LRRTM4: variants seen among roughly 807,000 people sequenced by gnomAD.
LRRTM4 encodes the protein leucine rich repeat transmembrane neuronal 4.
A neutral mutation model predicts 47.6 loss-of-function variants in LRRTM4; 25 were observed. The observed-to-expected ratio is 0.53, with a 90% confidence interval of 0.38 to 0.73. The LOEUF (loss-of-function observed/expected upper bound fraction) is 0.73. LRRTM4 is among the 30% of genes least tolerant of loss of function. LRRTM4 has a pLI of 0.00. For missense variants in LRRTM4, 638 were observed against 713.4 expected, an observed-to-expected ratio of 0.89 and a Z score of 1.20; for synonymous variants, 311 against 269.5, an observed-to-expected ratio of 1.15 and a Z score of -1.51.
rs1206313453 is a variant in LRRTM4 at position 77,522,269 on chromosome 2, T to C, written c.-308A>G. 3 of 585,052 alleles carry C rather than the reference T, an allele frequency of 5.1e-6. No individual in the cohort carries two copies. The highest frequency in any genetic ancestry group is 9.2e-6 in the Non-Finnish European group (3 of 325,338). 36.2% of individuals were successfully genotyped at this position (585,052 alleles called of 1,614,324 possible). A position where few individuals can be genotyped will look rare whatever the true frequency, so the allele number is the denominator to read the frequency against. ...TCCATTTAGCTGGTCAGGTTTAAAG[T>C]GTTTTGTAGCTGTGCTGGGAGGCAG... is the stretch of plus-strand genomic sequence containing the variant. On this transcript the variant is annotated 5_prime_UTR_variant, in exon 1 of 4. Transcript: ENST00000409884.
Position 77,141,649 on chromosome 2 carries a change from C to G in LRRTM4, c.1551+376669G>C, listed in dbSNP as rs535742517. On this transcript the variant is annotated intron_variant, in intron 3 of 3. Transcript: ENST00000409884. ...AATGGTTTAACTCTATCATTCCAAA[C>G]TATGAGCTAGACATTCAATGTAGGT... Among the ~76,000 whole-genome samples, 330 of 152,204 alleles carry G rather than the reference C, an allele frequency of 2.2e-3. 2 individuals carry two copies. The highest frequency in any genetic ancestry group is 7.5e-3 in the African/African-American group (311 of 41,548).
At chr2:77,413,315 A>G (rs1445023584) in intron 3 of LRRTM4, among the ~76,000 whole-genome samples, 1 of 152,196 alleles carries the variant, frequency 6.6e-6, no homozygotes. Flanking sequence ...ACTGAGATCC[A>G]TGTCTCAGGG....
At chr2:77,100,119 C>T (rs543699769) in intron 3 of LRRTM4, among the ~76,000 whole-genome samples, 13 of 152,060 alleles carry the variant, frequency 8.5e-5, no homozygotes, top group Non-Finnish European at 1.6e-4. Flanking sequence ...CATTAACCTC[C>T]TTGTCAGCCT....
At position 77,384,295 on chromosome 2, in the gene LRRTM4, C is replaced by CA. The variant is rs371346836; in HGVS notation, c.1551+134022dup. ...TTTAGAATGTGAAGAAGTCTTGAAA[C>CA]AAAAAAATAAGGTTTCAATTTGAAT... On this transcript the variant is annotated intron_variant, in intron 3 of 3. Coordinates refer to ENST00000409884, the MANE Select transcript of LRRTM4 (RefSeq NM_001134745.3). Among the ~76,000 whole-genome samples the CA allele has an allele frequency of 1.1e-4, 16 of 150,214 alleles. No individual in the cohort carries two copies. In the East Asian group the frequency reaches 2.0e-3, roughly 18 times the overall value.
intron 3 of LRRTM4, among the ~76,000 whole-genome samples, chr2:77,140,906 T>C (rs535568062): frequency 1.9e-3 from 292 of 152,086 alleles, no homozygotes; most frequent in African/African-American, 6.7e-3. Context: ...GAAATGAAAA[T>C]CAAAACCACA....
At position 77,519,531 on chromosome 2, in the gene LRRTM4, T is replaced by C. The variant is rs1273081450; in HGVS notation, c.338A>G (p.Glu113Gly). The C allele has an allele frequency of 6.2e-7, 1 of 1,613,338 alleles. No homozygotes were observed. The highest frequency in any genetic ancestry group is 8.5e-7 in the Non-Finnish European group (1 of 1,179,632). ...AATTTTGTTGGAGCTTAGAATTAAT[T>C]CTTTCAGTCTACGGATCCCTTGAAA... ...DAFQGIRRLK[E>G]LILSSNKITY... Residue 113 changes from glutamate to glycine, a missense_variant, in exon 3 of 4, where the codon GAA becomes GGA. Transcript: ENST00000409884. This position sits in a 1 kb window ranked among gnomAD's most constrained non-coding sequence, Gnocchi z 4.6.
At chr2:76,771,326 T>C (rs1673693984) in intron 3 of LRRTM4, among the ~76,000 whole-genome samples, 1 of 152,122 alleles carries the variant, frequency 6.6e-6, no homozygotes, top group Non-Finnish European at 1.5e-5. Context: ...TCGGTGAGAT[T>C]TAATGCAGCA....
At chr2:76,820,638 G>C (rs905936881) in intron 3 of LRRTM4, among the ~76,000 whole-genome samples, 1 of 151,536 alleles carries the variant, frequency 6.6e-6, no homozygotes, top group Non-Finnish European at 1.5e-5. Context: ...GTTTTAGTGG[G>C]TTTTGCCTAT....
intron 3 of LRRTM4, among the ~76,000 whole-genome samples, chr2:77,076,437 T>C (rs1428180852): frequency 2.0e-5 from 3 of 152,154 alleles, no homozygotes; most frequent in South Asian, 2.1e-4. Flanking sequence ...ACTCCCCTAA[T>C]GCTTGAAATA....
intron 3 of LRRTM4, among the ~76,000 whole-genome samples, chr2:77,468,385 A>G (rs1035482310): frequency 1.3e-5 from 2 of 152,226 alleles, no homozygotes; most frequent in Non-Finnish European, 2.9e-5. Context: ...CATCATACAC[A>G]TTTCCTGTCT....
chr2:77,021,461 C>T (rs967734405), intron 3 of LRRTM4, among the ~76,000 whole-genome samples: 4 of 152,122 alleles, frequency 2.6e-5, no homozygotes, highest in African/African-American at 9.7e-5. Flanking sequence ...TGGACTTGCC[C>T]ATGTGACATA....
At chr2:76,929,137 C>G (rs1674683311) in intron 3 of LRRTM4, among the ~76,000 whole-genome samples, 1 of 152,114 alleles carries the variant, frequency 6.6e-6, no homozygotes, top group African/African-American at 2.4e-5. Flanking sequence ...CTCAGCCTCT[C>G]AGGAGGAGCT....
chr2:76,983,481 C>G (rs181429165), intron 3 of LRRTM4, among the ~76,000 whole-genome samples: 38 of 152,060 alleles, frequency 2.5e-4, no homozygotes, highest in Admixed American at 1.4e-3. Context: ...GTTCCCTGCA[C>G]GAGCTCTCTT....
At chr2:77,157,382 G>T (rs1672588317) in intron 3 of LRRTM4, among the ~76,000 whole-genome samples, 1 of 152,060 alleles carries the variant, frequency 6.6e-6, no homozygotes, top group Admixed American at 6.6e-5. Flanking sequence ...GGACATTAAA[G>T]GCCAAGAAGA....
intron 3 of LRRTM4, among the ~76,000 whole-genome samples, chr2:76,952,206 C>T (rs757941227): frequency 4.6e-5 from 7 of 152,028 alleles, no homozygotes; most frequent in Non-Finnish European, 8.8e-5. Context: ...GATAGTTTGA[C>T]TTATTTTCCT....
At chr2:76,811,295 C>T (rs1454381594) in intron 3 of LRRTM4, among the ~76,000 whole-genome samples, 1 of 152,128 alleles carries the variant, frequency 6.6e-6, no homozygotes, top group African/African-American at 2.4e-5. Context: ...AACATTAGCA[C>T]CCTGTAGGTC....
At chr2:77,004,154 T>TG (rs1677542850) in intron 3 of LRRTM4, among the ~76,000 whole-genome samples, 1 of 152,182 alleles carries the variant, frequency 6.6e-6, no homozygotes, top group African/African-American at 2.4e-5. Flanking sequence ...CCCCATTTTC[T>TG]GGGGAGAAAT....
At chr2:77,222,716 T>C (rs964890520) in intron 3 of LRRTM4, among the ~76,000 whole-genome samples, 1 of 152,132 alleles carries the variant, frequency 6.6e-6, no homozygotes, top group Admixed American at 6.5e-5. Flanking sequence ...CAATAATTAA[T>C]AGCTTACCAA....
chr2:77,436,252 A>T (rs1675595417), intron 3 of LRRTM4, among the ~76,000 whole-genome samples: 1 of 152,180 alleles, frequency 6.6e-6, no homozygotes, highest in Non-Finnish European at 1.5e-5. Flanking sequence ...AAAGTCTAGT[A>T]TGTTACGTAG....
Sources: allele counts gnomAD v4.1 joint callset (sites outside exome capture counted in the v4.1 genomes callset), GRCh38; gene constraint gnomAD v4.1.1; non-coding constraint Gnocchi (gnomAD v3.1); transcripts MANE v1.5; gene names NCBI Gene and HGNC (gene_info 2026-07-23, HGNC 2026-07-21).